HIVEP3: variants seen among roughly 807,000 people sequenced by gnomAD.
The protein encoded by HIVEP3 is HIVEP zinc finger 3.
In HIVEP3, 49 loss-of-function variants were observed where a neutral mutation model predicts 152.8. The ratio of observed to expected loss-of-function variants is 0.32; its 90% CI spans 0.26 to 0.41. The LOEUF (loss-of-function observed/expected upper bound fraction) is 0.41. Among genes scored for constraint, HIVEP3 ranks in the 10% least tolerant of loss-of-function variants. The probability of loss-of-function intolerance (pLI) is 1.00; values close to 1 mark genes in which losing one functional copy is unlikely to be tolerated. For missense variants in HIVEP3, 2,790 were observed against 3,103.3 expected (o/e 0.90, Z 2.40); for synonymous variants, 1,269 against 1,289.0 (o/e 0.98, Z 0.33).
intron 1 of HIVEP3, among the ~76,000 whole-genome samples, chr1:41,720,306 A>T (rs759881596): frequency 6.6e-6 from 1 of 152,232 alleles, no homozygotes; most frequent in African/African-American, 2.4e-5. Flanking sequence ...GGGAGATCCT[A>T]TAATTTTCCC....
At chr1:41,753,056 C>T (rs1647190515) in intron 1 of HIVEP3, among the ~76,000 whole-genome samples, 1 of 152,152 alleles carries the variant, frequency 6.6e-6, no homozygotes. Flanking sequence ...TGTATTCTAT[C>T]AAGTTACACA....
chr1:41,650,563 GTTTTT>G (rs74511211), intron 2 of HIVEP3, among the ~76,000 whole-genome samples: 1 of 144,962 alleles, frequency 6.9e-6, no homozygotes. Flanking sequence ...TGTTTTCTGG[GTTTTT>G]TTTTTTTTTT....
intron 1 of HIVEP3, among the ~76,000 whole-genome samples, chr1:41,849,535 C>T (rs1056809144): frequency 6.6e-6 from 1 of 152,150 alleles, no homozygotes; most frequent in African/African-American, 2.4e-5. Context: ...GGGTCCAGTC[C>T]TAGCACAGGC....
intron 1 of HIVEP3, among the ~76,000 whole-genome samples, chr1:41,824,784 T>TATATATATATATAGAG (rs1553266584): frequency 8.8e-5 from 1 of 11,392 alleles, no homozygotes; most frequent in African/African-American, 3.2e-4. Flanking sequence ...TATATATATA[T>TATATATATATATAGAG]AGAGAGAGAG....
intron 1 of HIVEP3, among the ~76,000 whole-genome samples, chr1:41,745,438 T>C (rs558407658): frequency 4.0e-4 from 61 of 152,364 alleles, no homozygotes; most frequent in African/African-American, 1.4e-3. Flanking sequence ...TGCATGTATC[T>C]ACCCATGTGG....
intron 2 of HIVEP3, among the ~76,000 whole-genome samples, chr1:41,681,651 C>T (rs1646040627): frequency 6.6e-6 from 1 of 152,308 alleles, no homozygotes; most frequent in South Asian, 2.1e-4. Flanking sequence ...CAGAATGGTG[C>T]AGCGCTGGCC....
chr1:41,915,856 C>T (rs1157370363), intron 1 of HIVEP3, among the ~76,000 whole-genome samples: 2 of 152,228 alleles, frequency 1.3e-5, no homozygotes, highest in South Asian at 2.1e-4. Context: ...CCTGTTGATA[C>T]AGCCAGTGTT....
intron 5 of HIVEP3, among the ~76,000 whole-genome samples, chr1:41,561,735 A>G (rs941886520): frequency 2.0e-5 from 3 of 150,786 alleles, no homozygotes; most frequent in African/African-American, 7.3e-5. Flanking sequence ...GGCTGGTCTC[A>G]AACTCCTGCC....
At chr1:41,568,833 G>T (rs771769265) in intron 5 of HIVEP3, among the ~76,000 whole-genome samples, 9 of 152,156 alleles carry the variant, frequency 5.9e-5, no homozygotes, top group Non-Finnish European at 1.2e-4. Context: ...ATATGGTTTG[G>T]ATCTGTGTCC....
At chr1:41,774,445 A>G (rs1307301776) in intron 1 of HIVEP3, among the ~76,000 whole-genome samples, 1 of 152,232 alleles carries the variant, frequency 6.6e-6, no homozygotes, top group Non-Finnish European at 1.5e-5. Context: ...TTCTAATTAA[A>G]CATCATTTTG....
chr1:41,749,514 G>A lies in HIVEP3; in HGVS notation c.-800-48519C>T, dbSNP rs142301741. ...CTGTAGCTGTCAAGCTGTCAACATA[G>A]TTTCACTGAGGCTCCTTCATTCCTA... On this transcript the variant is annotated intron_variant, in intron 1 of 8. Transcript: ENST00000372583. Among the ~76,000 whole-genome samples, 11 of 152,056 alleles carry A rather than the reference G, an allele frequency of 7.2e-5. No homozygotes were observed. In the East Asian group the frequency reaches 1.9e-3, roughly 27 times the overall value.
intron 3 of HIVEP3, among the ~76,000 whole-genome samples, chr1:41,611,498 C>T (rs1212918635): frequency 6.6e-6 from 1 of 152,222 alleles, no homozygotes; most frequent in Non-Finnish European, 1.5e-5. Context: ...GTTTTTACAT[C>T]CATCTCACAG....
At chr1:41,870,233 T>A (rs570782564) in intron 1 of HIVEP3, among the ~76,000 whole-genome samples, 1 of 152,150 alleles carries the variant, frequency 6.6e-6, no homozygotes, top group African/African-American at 2.4e-5. Flanking sequence ...AGCTGAAATA[T>A]CACTTCCCCA....
At chr1:41,626,502 G>A (rs564933182) in intron 3 of HIVEP3, among the ~76,000 whole-genome samples, 2 of 152,198 alleles carry the variant, frequency 1.3e-5, no homozygotes, top group Admixed American at 6.5e-5. Flanking sequence ...CACGAAGCGG[G>A]GGGAGGGGAG....
chr1:41,940,068 C>A (rs1000928587), intron 1 of HIVEP3, among the ~76,000 whole-genome samples: 5 of 152,052 alleles, frequency 3.3e-5, no homozygotes, highest in African/African-American at 1.2e-4. Flanking sequence ...TTGAATGATA[C>A]CTAAAAGATA....
intron 1 of HIVEP3, among the ~76,000 whole-genome samples, chr1:41,888,967 A>G (rs1644400257): frequency 6.8e-6 from 1 of 147,630 alleles, no homozygotes; most frequent in Non-Finnish European, 1.5e-5. Flanking sequence ...CCACACACAC[A>G]CACAAAGACC....
At chr1:41,802,647 C>A (rs1288243879) in intron 1 of HIVEP3, among the ~76,000 whole-genome samples, 4 of 152,064 alleles carry the variant, frequency 2.6e-5, no homozygotes, top group Non-Finnish European at 4.4e-5. Context: ...TGATTCTAGT[C>A]GACTTACTGT....
intron 5 of HIVEP3, chr1:41,535,812 A>C (rs769406203): frequency 6.6e-6 from 1 of 152,080 alleles, no homozygotes; most frequent in Non-Finnish European, 1.5e-5. Context: ...CAAAGTCACA[A>C]GGCAGCTCAA....
intron 2 of HIVEP3, among the ~76,000 whole-genome samples, chr1:41,693,798 T>C (rs1021117199): frequency 7.2e-5 from 11 of 152,240 alleles, no homozygotes; most frequent in Non-Finnish European, 1.5e-4. Context: ...CCTTGGAATT[T>C]ATTTTGGTGT....
Sources: allele counts gnomAD v4.1 joint callset (sites outside exome capture counted in the v4.1 genomes callset), GRCh38; gene constraint gnomAD v4.1.1; transcripts MANE v1.5; gene names NCBI Gene and HGNC (gene_info 2026-07-23, HGNC 2026-07-21).